CFAP20DC: variants seen among roughly 807,000 people sequenced by gnomAD.
CFAP20DC encodes the protein CFAP20 domain containing, also known as protein CFAP20DC.
Under a neutral mutation model 101.7 loss-of-function variants are expected in CFAP20DC, and 84 were observed. The ratio of observed to expected loss-of-function variants is 0.83; its 90% confidence interval spans 0.69 to 0.99. CFAP20DC has a LOEUF of 0.99. Ranked by LOEUF, CFAP20DC falls within the 50% of genes least tolerant of loss-of-function variation. The pLI is 0.00. For synonymous variants in CFAP20DC, 359 were observed against 351.2 expected, an observed-to-expected ratio of 1.02 and a Z score of -0.25; for missense variants, 1,007 against 970.3, an observed-to-expected ratio of 1.04 and a Z score of -0.50.
chr3:59,048,205 T>G (rs563869154), intron 1 of CFAP20DC, among the ~76,000 whole-genome samples: 1 of 152,324 alleles, frequency 6.6e-6, no homozygotes, highest in East Asian at 1.9e-4. Context: ...TATATGAGGA[T>G]TAAATACGGT....
intron 15 of CFAP20DC, among the ~76,000 whole-genome samples, chr3:58,783,125 T>C (rs1301678269): frequency 3.3e-5 from 5 of 151,894 alleles, no homozygotes; most frequent in South Asian, 2.1e-4. Context: ...AATAAATCCA[T>C]ATATTTAATA....
chr3:58,888,075 A>G (rs1445702842), intron 6 of CFAP20DC, among the ~76,000 whole-genome samples: 1 of 152,168 alleles, frequency 6.6e-6, no homozygotes, highest in East Asian at 1.9e-4. Context: ...CCACTAACCA[A>G]TCACCATCTT....
intron 15 of CFAP20DC, among the ~76,000 whole-genome samples, chr3:58,760,281 C>A (rs1251484935): frequency 1.3e-5 from 2 of 151,796 alleles, no homozygotes; most frequent in African/African-American, 2.4e-5. Flanking sequence ...TAGGTATTTT[C>A]TTCTCTTTGA....
At chr3:58,804,369 T>A (rs1287366630) in intron 15 of CFAP20DC, among the ~76,000 whole-genome samples, 5 of 151,640 alleles carry the variant, frequency 3.3e-5, no homozygotes, top group African/African-American at 9.7e-5. Context: ...TAGTTCTTTT[T>A]TTTTTTTTTT....
intron 4 of CFAP20DC, among the ~76,000 whole-genome samples, chr3:58,986,497 A>G (rs1266043122): frequency 6.6e-6 from 1 of 152,196 alleles, no homozygotes; most frequent in Non-Finnish European, 1.5e-5. Context: ...AAGGAGTTCT[A>G]GAAACTTCTG....
intron 13 of CFAP20DC, among the ~76,000 whole-genome samples, chr3:58,844,235 C>G (rs1392922076): frequency 6.9e-6 from 1 of 145,710 alleles, no homozygotes; most frequent in African/African-American, 2.6e-5. Context: ...GATAAAGAGT[C>G]AAGACCCATC....
intron 7 of CFAP20DC, among the ~76,000 whole-genome samples, chr3:58,880,058 A>G (rs981640051): frequency 8.6e-5 from 13 of 152,036 alleles, no homozygotes; most frequent in African/African-American, 2.9e-4. Context: ...GAGTATAAAG[A>G]AGAAACTAGA....
At chr3:58,797,086 A>G (rs1486032790) in intron 15 of CFAP20DC, among the ~76,000 whole-genome samples, 1 of 152,166 alleles carries the variant, frequency 6.6e-6, no homozygotes, top group Admixed American at 6.5e-5. Flanking sequence ...GATTATTGAT[A>G]ATAACCCTAC....
At chr3:58,951,033 G>GA (rs1444553402) in intron 4 of CFAP20DC, among the ~76,000 whole-genome samples, 6 of 152,102 alleles carry the variant, frequency 3.9e-5, no homozygotes, top group African/African-American at 1.4e-4. Flanking sequence ...CTAATATCCA[G>GA]AATCTACAAT....
chr3:58,805,011 C>T (rs1246196624), intron 15 of CFAP20DC, among the ~76,000 whole-genome samples: 1 of 152,134 alleles, frequency 6.6e-6, no homozygotes, highest in Non-Finnish European at 1.5e-5. Flanking sequence ...CATGAATATT[C>T]TGGGTCCCAA....
rs926809140 is a variant in CFAP20DC, at chr3:59,001,734, G to A, written c.278+37823C>T. Reference sequence around the variant, plus strand: ...ATTACAGGTGTGAGCCACTGTGCCCGGCACAGACAACCTTTTTCTAATCTC... The same window carrying A: ...ATTACAGGTGTGAGCCACTGTGCCCAGCACAGACAACCTTTTTCTAATCTC... On this transcript the variant is annotated intron_variant, in intron 4 of 16. Coordinates refer to ENST00000482387, the MANE Select transcript of CFAP20DC (RefSeq NM_001394063.1). This position sits in a 1 kb window ranked among gnomAD's most constrained non-coding sequence, Gnocchi z 4.5. Among the ~76,000 whole-genome samples, 7 of 152,084 alleles carry A rather than the reference G, an allele frequency of 4.6e-5. No homozygotes were observed. Among genetic ancestry groups the A allele is most frequent in the African/African-American group, 1.2e-4 (5 of 41,406 alleles).
intron 3 of CFAP20DC, among the ~76,000 whole-genome samples, chr3:58,736,561 A>G (rs559437303): frequency 5.9e-5 from 9 of 152,344 alleles, no homozygotes; most frequent in African/African-American, 1.9e-4. Flanking sequence ...AAATACTCTC[A>G]TATAATTTTG....
intron 4 of CFAP20DC, among the ~76,000 whole-genome samples, chr3:58,963,190 TTGTGTGTGTGTGTGTGTGTGTGTGTGTG>T (rs56234919): frequency 2.5e-5 from 3 of 118,298 alleles, no homozygotes; most frequent in African/African-American, 9.1e-5. Flanking sequence ...GTTCAGTAGT[TTGTGTGTGTGTGTGTGTGTGTGTGTGTG>T]TGTGTGTGTG....
intron 4 of CFAP20DC, among the ~76,000 whole-genome samples, chr3:58,995,173 A>G (rs564898269): frequency 5.3e-4 from 80 of 152,254 alleles, no homozygotes; most frequent in Admixed American, 1.8e-3. Flanking sequence ...TTTGATAAAG[A>G]TATTAGGAGA....
At chr3:58,958,923 T>C (rs1463975362) in intron 4 of CFAP20DC, among the ~76,000 whole-genome samples, 2 of 151,898 alleles carry the variant, frequency 1.3e-5, no homozygotes, top group South Asian at 2.1e-4. Context: ...TTCATTTACT[T>C]ATGTCTTTTG....
At chr3:58,806,953 G>C (rs967093479) in intron 14 of CFAP20DC, among the ~76,000 whole-genome samples, 1 of 152,190 alleles carries the variant, frequency 6.6e-6, no homozygotes, top group African/African-American at 2.4e-5. Context: ...CGCCCACGGA[G>C]TCTCACTGAC....
rs1262065608 is a variant in CFAP20DC, at chr3:59,001,105, G to C, written c.278+38452C>G. Among the ~76,000 whole-genome samples, 1 of 152,104 alleles carries C rather than the reference G, an allele frequency of 6.6e-6. No homozygotes were observed. The highest frequency in any genetic ancestry group is 1.5e-5 in the Non-Finnish European group (1 of 68,002). Reference sequence around the variant, plus strand: ...TTACAGCAGTAAGAGTTAGTAAAGAGAGCAAATTCAAAGAGCTGAAGCCTG... The same window carrying C: ...TTACAGCAGTAAGAGTTAGTAAAGACAGCAAATTCAAAGAGCTGAAGCCTG... On this transcript the variant is annotated intron_variant, in intron 4 of 16. Transcript: ENST00000482387. This position sits in a 1 kb window ranked among gnomAD's most constrained non-coding sequence, Gnocchi z 4.5.
chr3:59,044,933 C>G (rs1039325828), intron 3 of CFAP20DC, among the ~76,000 whole-genome samples: 2 of 151,708 alleles, frequency 1.3e-5, no homozygotes, highest in Non-Finnish European at 2.9e-5. Context: ...CATCTTAGTT[C>G]ACCTCATTTA....
At chr3:58,763,535 A>G (rs1434127066) in intron 15 of CFAP20DC, among the ~76,000 whole-genome samples, 2 of 151,426 alleles carry the variant, frequency 1.3e-5, no homozygotes, top group Non-Finnish European at 2.9e-5. Context: ...TCTTTTCTCA[A>G]CTCGTCAAAG....
Sources: gnomAD v4.1 joint callset for allele counts (sites outside exome capture counted in the v4.1 genomes callset) on GRCh38, gnomAD v4.1.1 for gene constraint, Gnocchi (gnomAD v3.1) non-coding constraint, MANE v1.5 for transcripts, NCBI Gene and HGNC (gene_info 2026-07-23, HGNC 2026-07-21) for gene names.